The following MCPH1 variants were observed in gnomAD, a reference collection of about 807,000 sequenced individuals.
The protein encoded by MCPH1 is microcephalin 1, also known as microcephalin.
A neutral mutation model predicts 84.5 loss-of-function variants in MCPH1; 104 were observed. The ratio of observed to expected loss-of-function variants is 1.23; its 90% CI spans 1.05 to 1.45. The LOEUF is 1.45. Ranked by LOEUF, MCPH1 falls within the 40% of genes most tolerant of loss-of-function variation. The pLI, the probability that MCPH1 is intolerant of heterozygous loss-of-function variation, is 0.00. For missense variants in MCPH1, 1,498 were observed against 1,005.7 expected (o/e 1.49, Z -6.62); for synonymous variants, 514 against 366.8 (o/e 1.40, Z -4.58).
chr8:6,601,652 C>A (rs1248510112), intron 12 of MCPH1, among the ~76,000 whole-genome samples: 1 of 149,220 alleles, frequency 6.7e-6, no homozygotes, highest in Non-Finnish European at 1.5e-5. Context: ...CACATACACA[C>A]AACACAGACA....
chr8:6,589,043 C>T (rs182865629), intron 12 of MCPH1, among the ~76,000 whole-genome samples: 11 of 152,336 alleles, frequency 7.2e-5, no homozygotes, highest in African/African-American at 2.4e-4. Context: ...CTTAAACAAT[C>T]ACTGTATGAA....
intron 12 of MCPH1, chr8:6,501,460 T>C (rs965831388): frequency 1.3e-5 from 2 of 152,176 alleles, no homozygotes; most frequent in Non-Finnish European, 2.9e-5. Context: ...GTATTAATTG[T>C]ACTATGAAAA....
intron 12 of MCPH1, among the ~76,000 whole-genome samples, chr8:6,613,394 C>A (rs1830475839): frequency 6.6e-6 from 1 of 152,154 alleles, no homozygotes; most frequent in Non-Finnish European, 1.5e-5. Context: ...CTGAATTTAA[C>A]CCGGGTTGTG....
At chr8:6,549,983 G>A (rs1442512686) in intron 12 of MCPH1, among the ~76,000 whole-genome samples, 1 of 152,226 alleles carries the variant, frequency 6.6e-6, no homozygotes, top group Non-Finnish European at 1.5e-5. Flanking sequence ...TGAAAAGGTT[G>A]GGGTTGGCTT....
intron 12 of MCPH1, among the ~76,000 whole-genome samples, chr8:6,518,703 G>T (rs13439547): frequency 0.048 from 7,292 of 152,106 alleles, 505 homozygotes; most frequent in East Asian, 0.15. Flanking sequence ...TTTCCACTTT[G>T]GTACAGTATC....
Position 6,644,943 on chromosome 8 carries a change from C to T in MCPH1, c.*1894C>T, listed in dbSNP as rs1159686877. On this transcript the variant is annotated 3_prime_UTR_variant, in exon 14 of 14. Coordinates refer to ENST00000344683, the MANE Select transcript of MCPH1 (RefSeq NM_024596.5). ...AAAATAATGTATACACCTAAATCAT[C>T]CCCTTATGATACTCATCCTCTAACA... 6.6e-6 allele frequency: 1 copy of T among 152,174 alleles called. No homozygotes were observed. Among genetic ancestry groups the T allele is most frequent in the Non-Finnish European group, 1.5e-5 (1 of 68,032 alleles). The allele number at this position is 152,174 out of a possible 1,614,324, so 9.4% of individuals were successfully genotyped here. A position where few individuals can be genotyped will look rare whatever the true frequency, so the allele number is the denominator to read the frequency against.
chr8:6,537,285 A>G (rs1429144640), intron 12 of MCPH1, among the ~76,000 whole-genome samples: 1 of 152,102 alleles, frequency 6.6e-6, no homozygotes, highest in Non-Finnish European at 1.5e-5. Context: ...TATGTGTGCG[A>G]GGACAGTGTG....
At chr8:6,510,179 A>G (rs750289827) in intron 12 of MCPH1, among the ~76,000 whole-genome samples, 35 of 149,034 alleles carry the variant, frequency 2.3e-4, no homozygotes, top group South Asian at 2.1e-3. Context: ...TTTATTTTCC[A>G]TAACTATGCT....
intron 12 of MCPH1, chr8:6,620,281 G>A (rs962815990): frequency 1.3e-5 from 2 of 152,146 alleles, no homozygotes; most frequent in East Asian, 3.8e-4. Flanking sequence ...ATATATAAGT[G>A]TATCGGATCT....
chr8:6,540,052 A>G (rs1384416454), intron 12 of MCPH1, among the ~76,000 whole-genome samples: 1 of 152,218 alleles, frequency 6.6e-6, no homozygotes, highest in Non-Finnish European at 1.5e-5. Flanking sequence ...TCTAACATTA[A>G]TAGTCCATGC....
intron 12 of MCPH1, among the ~76,000 whole-genome samples, chr8:6,609,817 C>T (rs1181454993): frequency 1.8e-5 from 1 of 56,916 alleles, no homozygotes; most frequent in Non-Finnish European, 6.7e-5. Context: ...GCAATGCCCC[C>T]CGCCCCCCCC....
chr8:6,442,673 C>T (rs918451574), intron 7 of MCPH1, among the ~76,000 whole-genome samples: 3 of 152,178 alleles, frequency 2.0e-5, no homozygotes, highest in Non-Finnish European at 4.4e-5. Flanking sequence ...GCCCTAGTTC[C>T]ACTTAGGATG....
At chr8:6,451,020 C>G (rs1389132114) in intron 8 of MCPH1, among the ~76,000 whole-genome samples, 1 of 152,168 alleles carries the variant, frequency 6.6e-6, no homozygotes, top group South Asian at 2.1e-4. Context: ...TGGTATAGTA[C>G]ATTTTGCAAA....
At position 6,647,735 on chromosome 8, in the gene MCPH1, T is replaced by G. The variant is rs1313515131; in HGVS notation, c.*4686T>G. On this transcript the variant is annotated 3_prime_UTR_variant, in exon 14 of 14. Coordinates refer to ENST00000344683, the MANE Select transcript of MCPH1 (RefSeq NM_024596.5). ...AAAACTGTAGAGGCACGAAACAGAT[T>G]CATGGTCTGCTGCAGCTGGGGATGG... 1 of 152,216 alleles carries G rather than the reference T, an allele frequency of 6.6e-6. No homozygotes were observed. Among genetic ancestry groups the G allele is most frequent in the Non-Finnish European group, 1.5e-5 (1 of 68,034 alleles). 9.4% of individuals were successfully genotyped at this position (152,216 alleles called of 1,614,324 possible). A position where few individuals can be genotyped will look rare whatever the true frequency, so the allele number is the denominator to read the frequency against.
At position 6,426,322 on chromosome 8, in the gene MCPH1, C is replaced by G. The variant is rs143878500; in HGVS notation, c.234-5177C>G. Among the ~76,000 whole-genome samples, 646 of 152,338 alleles carry G rather than the reference C, an allele frequency of 4.2e-3. 6 individuals carry two copies. Among genetic ancestry groups the G allele is most frequent in the Middle Eastern group, 0.014 (4 of 294 alleles). ...ATTTTCATCACCCCAAAATCTCCTT[C>G]GTGTCCATTTGCTGTCGGCCTCCCT... On this transcript the variant is annotated intron_variant, in intron 3 of 13. Transcript: ENST00000344683.
intron 12 of MCPH1, among the ~76,000 whole-genome samples, chr8:6,526,036 T>C (rs571722632): frequency 1.3e-5 from 2 of 152,224 alleles, no homozygotes; most frequent in East Asian, 3.9e-4. Context: ...CATCATTGTA[T>C]AACAGGCAAG....
At chr8:6,579,293 C>G (rs757026698) in intron 12 of MCPH1, among the ~76,000 whole-genome samples, 2 of 152,194 alleles carry the variant, frequency 1.3e-5, no homozygotes, top group Non-Finnish European at 2.9e-5. Flanking sequence ...GCCCCCTTTC[C>G]CGGTCCCCTT....
At chr8:6,527,637 C>G in intron 12 of MCPH1, 1 of 1,613,908 alleles carries the variant, frequency 6.2e-7, no homozygotes, top group Non-Finnish European at 8.5e-7. Context: ...AGGGAGTGTT[C>G]CAAGAGCTGA....
In MCPH1 at chr8:6,604,950, C is replaced by T. The variant is rs552995135; in HGVS notation, c.2215-16504C>T. ...GATCAGAAGGAACCACAGAATCAAA[C>T]ACTTTCAAAAGGAAAGAAAATTAGG... On this transcript the variant is annotated intron_variant, in intron 12 of 13. Transcript: ENST00000344683. 3.3e-5 allele frequency among the ~76,000 whole-genome samples: 5 copies of T among 152,374 alleles called. No homozygotes were observed. In the South Asian group the frequency reaches 1.0e-3, roughly 32 times the overall value.
Sources: gnomAD v4.1 joint callset for allele counts (sites outside exome capture counted in the v4.1 genomes callset) on GRCh38, gnomAD v4.1.1 for gene constraint, MANE v1.5 for transcripts, NCBI Gene and HGNC (gene_info 2026-07-23, HGNC 2026-07-21) for gene names.